The following ZBTB4 variants were observed in gnomAD, a reference collection of about 807,000 sequenced individuals.
The protein encoded by ZBTB4 is zinc finger and BTB domain containing 4.
Under a neutral mutation model 59.8 loss-of-function variants are expected in ZBTB4, and 14 were observed. The observed-to-expected ratio is 0.23, with a 90% CI of 0.15 to 0.37. The LOEUF (loss-of-function observed/expected upper bound fraction) is 0.37, where lower values mean the gene tolerates loss of function less well. Ranked by LOEUF, ZBTB4 falls within the 10% of genes least tolerant of loss-of-function variation. The probability of loss-of-function intolerance (pLI) is 1.00; values close to 1 mark genes in which losing one functional copy is unlikely to be tolerated. For missense variants in ZBTB4, 1,198 were observed against 1,380.8 expected (o/e 0.87, Z 2.10); for synonymous variants, 587 against 575.2 (o/e 1.02, Z -0.29).
chr17:7,462,481 C>T lies in ZBTB4; in HGVS notation c.2501G>A (p.Gly834Glu), dbSNP rs959001515. 2 of 1,613,872 alleles carry T rather than the reference C, an allele frequency of 1.2e-6. No homozygotes were observed. The highest frequency in any genetic ancestry group is 1.1e-5 in the South Asian group (1 of 91,088). The change falls in exon 4 of 4, where the codon GGG becomes GAG. Residue 834 changes from glycine (G) to glutamate (E), a missense_variant. Gly to Glu is a moderately conservative substitution (Grantham distance 98). This residue lies in a region of ZBTB4 where 211 missense variants were observed against 236.1 expected (regional missense o/e 0.89). Coordinates refer to ENST00000380599, the MANE Select transcript of ZBTB4 (RefSeq NM_001128833.2). The surrounding 1 kb of genome is among the most constrained non-coding windows in gnomAD (Gnocchi z 7.5). ...VSSSSGEAGG[G>E]STAAEEASET... is the part of the protein sequence containing the mutation. ...GGAAGCTTCCTCAGCAGCAGTGCTCCCGCCACCTGCCTCACCGCTGGATGA... is the reference window on the plus strand; with the variant it reads ...GGAAGCTTCCTCAGCAGCAGTGCTCTCGCCACCTGCCTCACCGCTGGATGA...
At chr17:7,482,919 G>A, upstream of ZBTB4, 1 of 1,612,020 alleles carries the variant, frequency 6.2e-7, no homozygotes, top group African/African-American at 1.3e-5. Flanking sequence ...GACATCGTGG[G>A]GGCAGGGGTT....
In ZBTB4 at chr17:7,466,906, G is replaced by C; in HGVS notation, c.-9-96C>G. 1 of 1,433,200 alleles carries C rather than the reference G, an allele frequency of 7.0e-7. No homozygotes were observed. The highest frequency in any genetic ancestry group is 9.1e-7 in the Non-Finnish European group (1 of 1,096,306). 88.8% of individuals were successfully genotyped at this position (1,433,200 alleles called of 1,614,324 possible). ...GCAGAGAGAGGATCAGGAGCTGCTG[G>C]TCAGAAACTAGTGGAAGGCTGAATC... On this transcript the variant is annotated intron_variant, in intron 2 of 3. Transcript: ENST00000380599. The surrounding 1 kb of genome is among the most constrained non-coding windows in gnomAD (Gnocchi z 9.1).
In ZBTB4 at chr17:7,465,939, G is replaced by A; in HGVS notation, c.863C>T (p.Pro288Leu). The A allele has an allele frequency of 1.9e-6, 3 of 1,608,276 alleles. No homozygotes were observed. The highest frequency in any genetic ancestry group is 2.6e-6 in the Non-Finnish European group (3 of 1,176,268). ...GGGGCCCCCTCGGAAGCCCACTGGTGGAGGCAGGGCTGAGGCGTCCACCCC... is the reference window on the plus strand; with the variant it reads ...GGGGCCCCCTCGGAAGCCCACTGGTAGAGGCAGGGCTGAGGCGTCCACCCC... ...PAGVDASALPPPVGFRGGPEH... is the reference protein window; with the variant it reads ...PAGVDASALPLPVGFRGGPEH... The change falls in exon 3 of 4, where the codon CCA (proline) becomes CTA (leucine). Residue 288 changes from proline (P) to leucine (L), a missense_variant. Pro to Leu is a moderately conservative substitution (Grantham distance 98). This residue lies in a region of ZBTB4 where 204 missense variants were observed against 205.5 expected (regional missense o/e 0.99). Transcript: ENST00000380599.
Position 7,463,319 on chromosome 17 carries a change from C to G in ZBTB4, c.1663G>C (p.Glu555Gln), listed in dbSNP as rs368549729. The G allele has an allele frequency of 6.2e-5, 99 of 1,608,890 alleles. No homozygotes were observed. The highest frequency in any genetic ancestry group is 8.1e-5 in the Non-Finnish European group (95 of 1,177,994). The change falls in exon 4 of 4, where the codon GAG becomes CAG. Residue 555 changes from glutamate (E) to glutamine (Q), a missense_variant. Glu to Gln is a conservative substitution (Grantham distance 29). This residue lies in a region of ZBTB4 where 550 missense variants were observed against 541.8 expected (regional missense o/e 1.02). Coordinates refer to ENST00000380599, the MANE Select transcript of ZBTB4 (RefSeq NM_001128833.2). ...AAGPAMATTT[E>Q]EAKGRNPRAG... ...CGTGGATTCCGGCCCTTGGCCTCCT[C>G]CGTGGTGGTGGCCATGGCTGGCCCT...
rs2070113315 is a variant in ZBTB4 at position 7,465,892 on chromosome 17, C to T, written c.910G>A (p.Gly304Ser). The change falls in exon 3 of 4, where the codon GGC (glycine) becomes AGC (serine). Residue 304 changes from glycine to serine, a missense_variant. Coordinates refer to ENST00000380599, the MANE Select transcript of ZBTB4 (RefSeq NM_001128833.2). ...GGPEHVVKVV[G>S]GHVLYVCAAC... is the part of the protein sequence containing the mutation. ...GCGCACACATACAGCACGTGGCCGC[C>T]CACCACCTTCACCACGTGCTCGGGG... 1 of 1,613,412 alleles carries T rather than the reference C, an allele frequency of 6.2e-7. No individual in the cohort carries two copies.
chr17:7,465,020 A>G (rs113608054), intron 3 of ZBTB4, among the ~76,000 whole-genome samples: 8,819 of 145,188 alleles, frequency 0.061, 379 homozygotes, highest in South Asian at 0.1. Context: ...GCCGGGCGTG[A>G]TGGCGGGCGC....
At chr17:7,478,708 AC>A (rs1242837686) in intron 1 of ZBTB4, among the ~76,000 whole-genome samples, 1 of 152,136 alleles carries the variant, frequency 6.6e-6, no homozygotes, top group Non-Finnish European at 1.5e-5. Flanking sequence ...CAAACTCTGC[AC>A]CCAGCATGCT....
At chr17:7,468,890 A>G (rs1396669959) in intron 1 of ZBTB4, among the ~76,000 whole-genome samples, 2 of 152,180 alleles carry the variant, frequency 1.3e-5, no homozygotes, top group African/African-American at 4.8e-5. Context: ...GTAAACAGGG[A>G]TGATATTCCA....
upstream of ZBTB4, chr17:7,482,700 T>C (rs749425148): frequency 2.5e-6 from 4 of 1,612,012 alleles, no homozygotes; most frequent in Middle Eastern, 2.3e-4. Context: ...CCAGGCCTCT[T>C]TGTGCTGCAG....
intron 1 of ZBTB4, among the ~76,000 whole-genome samples, chr17:7,472,877 C>T (rs2070217953): frequency 6.6e-6 from 1 of 151,658 alleles, no homozygotes; most frequent in Non-Finnish European, 1.5e-5. Flanking sequence ...CTCCTGGGCT[C>T]AAGTGATCCT....
rs748082585 is a variant in ZBTB4 at position 7,466,532 on chromosome 17, A to AGAG, written c.267_269dup (p.Ser100dup). The AGAG allele has an allele frequency of 3.0e-5, 48 of 1,611,474 alleles. No homozygotes were observed. In the Admixed American group the frequency reaches 7.7e-4, roughly 26 times the overall value. Reference sequence around the variant, plus strand: ...AGGAAGAAGAGGAAGAAGACGAGGAAGAGGAGGAGGAGGAAGAGGCAGCTG... The same window carrying AGAG: ...AGGAAGAAGAGGAAGAAGACGAGGAAGAGGAGGAGGAGGAGGAAGAGGCAGCTG... On this transcript the variant is annotated inframe_insertion, in exon 3 of 4. Coordinates refer to ENST00000380599, the MANE Select transcript of ZBTB4 (RefSeq NM_001128833.2). The surrounding 1 kb of genome is among the most constrained non-coding windows in gnomAD (Gnocchi z 9.1).
At chr17:7,465,687 C>A (rs1305261530) in intron 3 of ZBTB4, 24 bp downstream of exon 3, 2 of 1,570,016 alleles carry the variant, frequency 1.3e-6, no homozygotes, top group African/African-American at 1.3e-5. Context: ...TCCAGCCGCT[C>A]CCCCGCCAGC....
In ZBTB4 at chr17:7,465,974, A is replaced by T; in HGVS notation, c.828T>A (p.Gly276=). The T allele has an allele frequency of 6.2e-7, 1 of 1,601,556 alleles. No individual in the cohort carries two copies. The highest frequency in any genetic ancestry group is 2.2e-5 in the East Asian group (1 of 44,640). The change falls in exon 3 of 4, where the codon GGT becomes GGA. Residue 276 remains glycine (G), a synonymous_variant. Transcript: ENST00000380599. ...CTGAGGCGTCCACCCCTGCAGGACC[A>T]CCAGGGCCAGCGCCCCCAGCTCCCA... ...TGLGAGGAGP[G]GPAGVDASAL...
In ZBTB4 at chr17:7,463,152, C is replaced by A. The variant is rs772128956; in HGVS notation, c.1830G>T (p.Glu610Asp). ...PLCQITVRIG[E>D]EAIVKRRISE... ...AGATGCGGCGCTTGACGATGGCCTC[C>A]TCCCCTATTCGCACAGTGATCTGAC... is the stretch of plus-strand genomic sequence containing the variant. Residue 610 changes from glutamate to aspartate, a missense_variant, in exon 4 of 4, where the codon GAG becomes GAT. Glu to Asp is a conservative substitution (Grantham distance 45, BLOSUM62 2). Around this residue, in one of 9 missense-constraint regions of ZBTB4, gnomAD observed 550 missense variants for 541.8 expected, o/e 1.02. Transcript: ENST00000380599. 6.2e-7 allele frequency: 1 copy of A among 1,607,812 alleles called. No individual in the cohort carries two copies. The highest frequency in any genetic ancestry group is 1.1e-5 in the South Asian group (1 of 90,466).
At position 7,459,663 on chromosome 17, in the gene ZBTB4, A is replaced by G. The variant is rs2069990438; in HGVS notation, c.*2277T>C. The G allele has an allele frequency of 1.3e-5, 2 of 152,392 alleles. No individual in the cohort carries two copies. The highest frequency in any genetic ancestry group is 4.8e-5 in the African/African-American group (2 of 41,432). The allele number at this position is 152,392 out of a possible 1,614,324, so 9.4% of individuals were successfully genotyped here. On this transcript the variant is annotated 3_prime_UTR_variant, in exon 4 of 4. Coordinates refer to ENST00000380599, the MANE Select transcript of ZBTB4 (RefSeq NM_001128833.2). Reference sequence around the variant, plus strand: ...ATTTCCAACATCTGAAACTCACAATATTCAAATTCCCCAGCTCAAATACAT... The same window carrying G: ...ATTTCCAACATCTGAAACTCACAATGTTCAAATTCCCCAGCTCAAATACAT...
chr17:7,483,116 C>G (rs1033842394), upstream of ZBTB4: 1 of 1,510,116 alleles, frequency 6.6e-7, no homozygotes, highest in African/African-American at 1.4e-5. Flanking sequence ...AGAGGGATAC[C>G]TCTCAGAGTC....
chr17:7,483,394 C>T, upstream of ZBTB4: 1 of 287,768 alleles, frequency 3.5e-6, no homozygotes, highest in Non-Finnish European at 6.7e-6. Flanking sequence ...GCGTGCCTCC[C>T]CACCCCTCCC....
At chr17:7,471,984 T>C (rs2070203360) in intron 1 of ZBTB4, among the ~76,000 whole-genome samples, 1 of 152,150 alleles carries the variant, frequency 6.6e-6, no homozygotes, top group Admixed American at 6.5e-5. Flanking sequence ...GATCTGAGCA[T>C]GGACACCAGA....
chr17:7,476,506 C>T (rs766721647), intron 1 of ZBTB4, among the ~76,000 whole-genome samples: 2 of 152,176 alleles, frequency 1.3e-5, no homozygotes, highest in Non-Finnish European at 2.9e-5. Context: ...AAACCCCAGA[C>T]ACCCAGTGTG....
Sources: gnomAD v4.1 joint callset for allele counts (sites outside exome capture counted in the v4.1 genomes callset) on GRCh38, gnomAD v4.1.1 for gene constraint, gnomAD v4.1.1 regional missense constraint, Gnocchi (gnomAD v3.1) non-coding constraint, MANE v1.5 for transcripts, NCBI Gene and HGNC (gene_info 2026-07-23, HGNC 2026-07-21) for gene names.